The following PTPRT variants were observed in gnomAD, a reference collection of about 807,000 sequenced individuals.
The protein encoded by PTPRT is receptor-type tyrosine-protein phosphatase T.
Under a neutral mutation model 176.8 loss-of-function variants are expected in PTPRT, and 56 were observed. That is an observed-to-expected ratio of 0.32 (90% CI 0.26 to 0.40). The LOEUF (loss-of-function observed/expected upper bound fraction) is 0.40. Among genes scored for constraint, PTPRT ranks in the 10% least tolerant of loss-of-function variants. PTPRT has a pLI of 1.00. For missense variants in PTPRT, 1,540 were observed against 1,908.2 expected (o/e 0.81, Z 3.60); for synonymous variants, 783 against 739.0 (o/e 1.06, Z -0.96).
chr20:42,324,385 T>C (rs1163399122), intron 11 of PTPRT, among the ~76,000 whole-genome samples: 4 of 152,172 alleles, frequency 2.6e-5, no homozygotes, highest in Non-Finnish European at 5.9e-5. Flanking sequence ...TAGGAATCAA[T>C]TGTACATGGG....
chr20:42,184,280 C>T (rs530417666), intron 16 of PTPRT, among the ~76,000 whole-genome samples: 1 of 152,180 alleles, frequency 6.6e-6, no homozygotes, highest in African/African-American at 2.4e-5. Flanking sequence ...TGGTGTGTTA[C>T]ACCATGTCAC....
At chr20:42,944,157 C>T (rs1303887201) in intron 1 of PTPRT, among the ~76,000 whole-genome samples, 2 of 152,182 alleles carry the variant, frequency 1.3e-5, no homozygotes, top group African/African-American at 4.8e-5. Context: ...TATCTTGCCA[C>T]TGAGTCATGA....
chr20:42,487,187 G>A (rs2071477906), intron 7 of PTPRT, among the ~76,000 whole-genome samples: 1 of 152,188 alleles, frequency 6.6e-6, no homozygotes, highest in African/African-American at 2.4e-5. Context: ...TAACTATTAT[G>A]GAATGTGTCT....
intron 1 of PTPRT, among the ~76,000 whole-genome samples, chr20:43,021,470 G>A (rs914421890): frequency 4.6e-5 from 7 of 152,092 alleles, no homozygotes; most frequent in Non-Finnish European, 7.3e-5. Context: ...AACAGTGGAC[G>A]TGAACTCAGT....
In PTPRT at chr20:42,461,869, TG is replaced by T. The variant is rs758078923; in HGVS notation, c.1450+10396del. 9.3e-3 allele frequency among the ~76,000 whole-genome samples: 1,407 copies of T among 151,220 alleles called. 13 individuals are homozygous for T. Among genetic ancestry groups the T allele is most frequent in the Middle Eastern group, 0.014 (4 of 294 alleles). On this transcript the variant is annotated intron_variant, in intron 8 of 30. Transcript: ENST00000373187. ...AGGAGAAGATAGAGCTGGGTGTTTC[TG>T]GGTTTTTTTTTTAATCTTTTTAAAG...
At chr20:43,046,717 A>G (rs543273374) in intron 1 of PTPRT, among the ~76,000 whole-genome samples, 2 of 152,300 alleles carry the variant, frequency 1.3e-5, no homozygotes, top group East Asian at 3.9e-4. Flanking sequence ...CATCCTGCAC[A>G]GTTCCGAGAC....
intron 7 of PTPRT, among the ~76,000 whole-genome samples, chr20:42,667,868 G>A (rs2075343325): frequency 1.3e-5 from 2 of 152,194 alleles, no homozygotes; most frequent in Non-Finnish European, 2.9e-5. Context: ...GCACGCAGGG[G>A]AGAGGGCGAG....
intron 7 of PTPRT, among the ~76,000 whole-genome samples, chr20:42,552,371 G>A (rs184663259): frequency 3.3e-5 from 5 of 152,150 alleles, no homozygotes; most frequent in Admixed American, 1.3e-4. Context: ...TCTAAAGATC[G>A]ATCAATGCAG....
intron 5 of PTPRT, among the ~76,000 whole-genome samples, chr20:42,769,798 G>A (rs945489065): frequency 2.0e-5 from 3 of 152,290 alleles, no homozygotes; most frequent in Admixed American, 6.5e-5. Context: ...CTTAGCAAAA[G>A]TAAGAAATAC....
intron 1 of PTPRT, among the ~76,000 whole-genome samples, chr20:42,921,920 C>T (rs1441663024): frequency 5.3e-5 from 8 of 152,090 alleles, no homozygotes; most frequent in East Asian, 3.9e-4. Flanking sequence ...TTCCACACAG[C>T]GTTCTCTCTT....
chr20:42,847,386 G>T (rs1338491498), intron 2 of PTPRT, among the ~76,000 whole-genome samples: 12 of 152,126 alleles, frequency 7.9e-5, no homozygotes, highest in Non-Finnish European at 1.8e-4. Context: ...GCCCCCCTCT[G>T]ATTTCTGGCC....
chr20:42,087,599 G>C (rs559601692), intron 27 of PTPRT, among the ~76,000 whole-genome samples: 20 of 150,610 alleles, frequency 1.3e-4, no homozygotes, highest in Non-Finnish European at 2.5e-4. Context: ...ATGGAGGCTG[G>C]GTGCGGTGGC....
chr20:43,030,889 T>C (rs1316974848), intron 1 of PTPRT, among the ~76,000 whole-genome samples: 1 of 152,176 alleles, frequency 6.6e-6, no homozygotes, highest in Admixed American at 6.5e-5. Context: ...TCAGCTTCCC[T>C]AAGCAACAGA....
intron 1 of PTPRT, among the ~76,000 whole-genome samples, chr20:43,140,443 AGTGTGT>A (rs6147356): frequency 0.019 from 2,723 of 146,848 alleles, 79 homozygotes; most frequent in African/African-American, 0.066. Flanking sequence ...ACCTCTGGGT[AGTGTGT>A]GTGTGTGTGT....
intron 1 of PTPRT, among the ~76,000 whole-genome samples, chr20:43,182,575 G>C (rs955524708): frequency 2.0e-5 from 3 of 152,062 alleles, no homozygotes; most frequent in African/African-American, 4.8e-5. Context: ...ATTTATAGTA[G>C]AGCTGGCATT....
intron 6 of PTPRT, among the ~76,000 whole-genome samples, chr20:42,750,833 C>G (rs1293269419): frequency 6.6e-6 from 1 of 152,150 alleles, no homozygotes. Flanking sequence ...AGAAGCAAAG[C>G]AAATGAATAA....
chr20:42,581,503 G>A (rs1324518482), intron 7 of PTPRT, among the ~76,000 whole-genome samples: 1 of 147,838 alleles, frequency 6.8e-6, no homozygotes, highest in Non-Finnish European at 1.5e-5. Flanking sequence ...CTATTGAATT[G>A]CACTATCTCT....
intron 1 of PTPRT, among the ~76,000 whole-genome samples, chr20:43,157,910 C>A (rs1229428790): frequency 6.6e-6 from 1 of 152,128 alleles, no homozygotes; most frequent in Non-Finnish European, 1.5e-5. Flanking sequence ...AGTTTTCCAA[C>A]AAAAACTGTG....
chr20:42,326,650 A>C (rs566412463), intron 11 of PTPRT, among the ~76,000 whole-genome samples: 1 of 152,288 alleles, frequency 6.6e-6, no homozygotes, highest in Admixed American at 6.5e-5. Context: ...AACTCTACTG[A>C]ATGATTTAAA....
Sources: gnomAD v4.1 joint callset for allele counts (sites outside exome capture counted in the v4.1 genomes callset) on GRCh38, gnomAD v4.1.1 for gene constraint, MANE v1.5 for transcripts, NCBI Gene and HGNC (gene_info 2026-07-23, HGNC 2026-07-21) for gene names.